The following DENND1A variants were observed in gnomAD, a reference collection of about 807,000 sequenced individuals.
The protein encoded by DENND1A is DENN domain-containing protein 1A.
DENND1A carries 51 observed loss-of-function variants against 113.7 expected under a neutral mutation model. The observed-to-expected ratio is 0.45, with a 90% CI of 0.36 to 0.57. The LOEUF is 0.57. Ranked by LOEUF, DENND1A falls within the 20% of genes least tolerant of loss-of-function variation. DENND1A has a pLI of 0.00. For synonymous variants in DENND1A, 565 were observed against 570.8 expected (o/e 0.99, Z 0.14); for missense variants, 1,258 against 1,395.9 (o/e 0.90, Z 1.57).
At chr9:123,520,404 G>A (rs1436452884) in intron 13 of DENND1A, among the ~76,000 whole-genome samples, 1 of 152,156 alleles carries the variant, frequency 6.6e-6, no homozygotes, top group African/African-American at 2.4e-5. Context: ...AGTGAGCCGA[G>A]ATCGTGTCAT....
At chr9:123,811,490 T>C (rs1400544347) in intron 2 of DENND1A, among the ~76,000 whole-genome samples, 1 of 152,232 alleles carries the variant, frequency 6.6e-6, no homozygotes, top group Non-Finnish European at 1.5e-5. Context: ...CTGGGCATGG[T>C]GGCTCATGCC....
At chr9:123,421,982 C>G (rs1340427585) in intron 19 of DENND1A, among the ~76,000 whole-genome samples, 1 of 152,320 alleles carries the variant, frequency 6.6e-6, no homozygotes, top group African/African-American at 2.4e-5. Context: ...ATAAGCCCTT[C>G]CCTCACTCAC....
At chr9:123,719,639 T>G (rs896952892) in intron 5 of DENND1A, among the ~76,000 whole-genome samples, 2 of 152,236 alleles carry the variant, frequency 1.3e-5, no homozygotes, top group Admixed American at 6.5e-5. Context: ...TTCAGATTTT[T>G]TTTTTTTAAT....
chr9:123,903,786 G>A (rs1371445694), intron 1 of DENND1A, among the ~76,000 whole-genome samples: 1 of 152,166 alleles, frequency 6.6e-6, no homozygotes, highest in Non-Finnish European at 1.5e-5. Context: ...GCGGCAGCGA[G>A]GCTGGGGGAG....
chr9:123,457,767 C>T (rs777235605), intron 14 of DENND1A, 26 bp downstream of exon 14: 1 of 1,586,972 alleles, frequency 6.3e-7, no homozygotes, highest in Non-Finnish European at 8.6e-7. Flanking sequence ...GGAGCCAGAC[C>T]CAGGCCAGAC....
At chr9:123,630,900 C>G (rs2061447474) in intron 9 of DENND1A, among the ~76,000 whole-genome samples, 1 of 152,092 alleles carries the variant, frequency 6.6e-6, no homozygotes, top group African/African-American at 2.4e-5. Context: ...AAAAAGATAT[C>G]TCTTAATGAT....
intron 12 of DENND1A, among the ~76,000 whole-genome samples, chr9:123,575,728 G>C (rs1190823576): frequency 6.6e-6 from 1 of 152,174 alleles, no homozygotes; most frequent in African/African-American, 2.4e-5. Context: ...TTCTGGACAG[G>C]ACAGTCTTTA....
chr9:123,420,991 T>G (rs921649941), intron 19 of DENND1A, among the ~76,000 whole-genome samples: 1 of 150,596 alleles, frequency 6.6e-6, no homozygotes, highest in Non-Finnish European at 1.5e-5. Flanking sequence ...GGCTGGTGCC[T>G]GGGCAGGGGC....
intron 2 of DENND1A, among the ~76,000 whole-genome samples, chr9:123,864,743 A>T (rs1425590200): frequency 6.6e-6 from 1 of 152,178 alleles, no homozygotes; most frequent in Non-Finnish European, 1.5e-5. Flanking sequence ...ACAATACAGC[A>T]AATGGAGTAG....
At chr9:123,889,274 A>G (rs1455101145) in intron 1 of DENND1A, among the ~76,000 whole-genome samples, 1 of 152,162 alleles carries the variant, frequency 6.6e-6, no homozygotes. Flanking sequence ...GTCAAGATAT[A>G]TACCTGCCCT....
At chr9:123,493,826 C>G (rs987737938) in intron 13 of DENND1A, among the ~76,000 whole-genome samples, 11 of 152,180 alleles carry the variant, frequency 7.2e-5, no homozygotes, top group Admixed American at 7.2e-4. Flanking sequence ...AAGCACCAGG[C>G]GACCATTGCT....
At chr9:123,390,810 C>T (rs1336074970) in intron 21 of DENND1A, among the ~76,000 whole-genome samples, 1 of 152,248 alleles carries the variant, frequency 6.6e-6, no homozygotes, top group Non-Finnish European at 1.5e-5. Context: ...AGCCCCGGCT[C>T]GGGCCAAATG....
chr9:123,480,714 G>A (rs892224915), intron 13 of DENND1A, among the ~76,000 whole-genome samples: 2 of 152,132 alleles, frequency 1.3e-5, no homozygotes, highest in Non-Finnish European at 2.9e-5. Flanking sequence ...CCTTGAGGAT[G>A]TGAACTCTCT....
chr9:123,709,316 T>A, intron 5 of DENND1A, among the ~76,000 whole-genome samples: 1 of 152,302 alleles, frequency 6.6e-6, no homozygotes, highest in South Asian at 2.1e-4. Context: ...TGAGAAGGTA[T>A]GTTCTTTGTT....
At chr9:123,655,313 C>T (rs973779642) in intron 8 of DENND1A, among the ~76,000 whole-genome samples, 1 of 152,120 alleles carries the variant, frequency 6.6e-6, no homozygotes, top group African/African-American at 2.4e-5. Context: ...GCTCGGTGCA[C>T]GGAGGAAGCA....
chr9:123,654,250 G>C (rs925321967), intron 8 of DENND1A, among the ~76,000 whole-genome samples: 1 of 152,170 alleles, frequency 6.6e-6, no homozygotes, highest in African/African-American at 2.4e-5. Flanking sequence ...CTTAACTGCT[G>C]ATGAATTACA....
chr9:123,460,548 C>T (rs965525196), intron 13 of DENND1A, among the ~76,000 whole-genome samples: 5 of 152,230 alleles, frequency 3.3e-5, no homozygotes, highest in African/African-American at 7.2e-5. Context: ...ATCAAGACTG[C>T]GCCCCAAATC....
At chr9:123,907,393 A>G (rs530227695) in intron 1 of DENND1A, among the ~76,000 whole-genome samples, 77 of 152,236 alleles carry the variant, frequency 5.1e-4, no homozygotes, top group African/African-American at 1.6e-3. Context: ...AAAGGAAAAG[A>G]GAAAGTCAAA....
At chr9:123,842,364 G>C (rs1011032035) in intron 2 of DENND1A, among the ~76,000 whole-genome samples, 1 of 151,910 alleles carries the variant, frequency 6.6e-6, no homozygotes, top group African/African-American at 2.4e-5. Context: ...GAGGTGAGAA[G>C]TAAAAGAAAA....
Sources: gnomAD v4.1 joint callset for allele counts (sites outside exome capture counted in the v4.1 genomes callset) on GRCh38, gnomAD v4.1.1 for gene constraint, MANE v1.5 for transcripts, NCBI Gene and HGNC (gene_info 2026-07-23, HGNC 2026-07-21) for gene names.